SLC6A15: variants seen among roughly 807,000 people sequenced by gnomAD.
SLC6A15 encodes sodium-dependent neutral amino acid transporter B(0)AT2.
Under a neutral mutation model 68.5 loss-of-function variants are expected in SLC6A15, and 33 were observed. The ratio of observed to expected loss-of-function variants is 0.48; its 90% CI spans 0.37 to 0.64. The LOEUF is 0.64. Ranked by LOEUF, SLC6A15 falls within the 30% of genes least tolerant of loss-of-function variation. The probability of loss-of-function intolerance (pLI) is 0.00; values close to 1 mark genes in which losing one functional copy is unlikely to be tolerated. For synonymous variants in SLC6A15, 347 were observed against 301.0 expected (o/e 1.15, Z -1.58); for missense variants, 747 against 874.3 (o/e 0.85, Z 1.84).
At position 84,891,970 on chromosome 12, in the gene SLC6A15, C is replaced by CAA; in HGVS notation, c.150_151insTT (p.Val51LeufsTer30). 1.2e-6 allele frequency: 2 copies of CAA among 1,614,002 alleles called. No individual in the cohort carries two copies. The highest frequency in any genetic ancestry group is 1.7e-6 in the Non-Finnish European group (2 of 1,179,990). ...TCTTCGACTTCAGATCCTTCTTCAA[C>CAA]ATCTGTATCTTTCTCTTCCTGGCCA... On this transcript the variant is annotated frameshift_variant, in exon 2 of 12. Coordinates refer to ENST00000266682, the MANE Select transcript of SLC6A15 (RefSeq NM_182767.6). LOFTEE classifies it high-confidence loss of function.
At chr12:84,894,478 A>T (rs376505102) in intron 1 of SLC6A15, among the ~76,000 whole-genome samples, 98 of 152,220 alleles carry the variant, frequency 6.4e-4, no homozygotes, top group African/African-American at 2.2e-3. Context: ...TGCTTTTTCC[A>T]TACAGACAGA....
chr12:84,906,798 A>T (rs1326071964), intron 1 of SLC6A15, among the ~76,000 whole-genome samples: 1 of 152,162 alleles, frequency 6.6e-6, no homozygotes, highest in African/African-American at 2.4e-5. Context: ...TGAATTACAA[A>T]CTTAAGTGGA....
At chr12:84,894,236 T>C (rs1269358832) in intron 1 of SLC6A15, among the ~76,000 whole-genome samples, 8 of 152,122 alleles carry the variant, frequency 5.3e-5, no homozygotes, top group Non-Finnish European at 2.9e-5. Context: ...ATATAAAAAA[T>C]TGTGATTTGT....
chr12:84,878,237 A>G (rs1871648236), intron 5 of SLC6A15, among the ~76,000 whole-genome samples: 1 of 152,236 alleles, frequency 6.6e-6, no homozygotes, highest in African/African-American at 2.4e-5. Flanking sequence ...GTTGTAATGA[A>G]CATAATTTTT....
chr12:84,867,386 A>G (rs781390104), intron 9 of SLC6A15, 193 bp from the exon 10 acceptor site: 2 of 350,880 alleles, frequency 5.7e-6, no homozygotes, highest in Non-Finnish European at 1.0e-5. Flanking sequence ...CTCAACATTC[A>G]TACAAATTTA....
chr12:84,881,450 A>T, intron 5 of SLC6A15: 1 of 985,318 alleles, frequency 1.0e-6, no homozygotes, highest in African/African-American at 1.7e-5. Context: ...ACTGAGCTGA[A>T]ATTTCTCATA....
intron 4 of SLC6A15, 55 bp downstream of exon 4, chr12:84,885,380 C>G: frequency 7.0e-7 from 1 of 1,425,626 alleles, no homozygotes; most frequent in Non-Finnish European, 9.3e-7. Context: ...AAGCTTGTAC[C>G]TTTGCCACTC....
At position 84,891,949 on chromosome 12, in the gene SLC6A15, C is replaced by G. The variant is rs550500645; in HGVS notation, c.172G>C (p.Glu58Gln). 6.2e-7 allele frequency: 1 copy of G among 1,613,884 alleles called. No individual in the cohort carries two copies. The change falls in exon 2 of 12, where the codon GAA becomes CAA. Residue 58 changes from glutamate (E) to glutamine (Q), a missense_variant. Transcript: ENST00000266682. The part of the protein sequence containing the change: ...DTDVEEGSEV[E>Q]DERPAWNSKL... ...CTGTTCCAAGCTGGTCTTTCATCTT[C>G]GACTTCAGATCCTTCTTCAACATCT...
intron 6 of SLC6A15, among the ~76,000 whole-genome samples, chr12:84,875,409 C>T (rs1205884358): frequency 6.6e-6 from 1 of 151,776 alleles, no homozygotes; most frequent in South Asian, 2.1e-4. Context: ...AATACCAACT[C>T]AGAACCACAC....
At chr12:84,876,043 A>C (rs941464337) in intron 6 of SLC6A15, among the ~76,000 whole-genome samples, 7 of 151,854 alleles carry the variant, frequency 4.6e-5, no homozygotes, top group Non-Finnish European at 8.8e-5. Flanking sequence ...CATGGATTCT[A>C]GATGATCAGT....
At chr12:84,900,919 CATACATATATACA>C (rs1872835007) in intron 1 of SLC6A15, among the ~76,000 whole-genome samples, 1 of 127,428 alleles carries the variant, frequency 7.8e-6, no homozygotes, top group Non-Finnish European at 1.6e-5. Context: ...TATATATATA[CATACATATATACA>C]TGTATATATG....
rs191627202 is a variant in SLC6A15, at chr12:84,912,605, G to C, written c.-271C>G. The C allele has an allele frequency of 6.5e-6, 1 of 152,792 alleles. No individual in the cohort carries two copies. The highest frequency in any genetic ancestry group is 1.5e-5 in the Non-Finnish European group (1 of 68,576). The allele number at this position is 152,792 out of a possible 1,614,324, so 9.5% of individuals were successfully genotyped here. Reference sequence around the variant, plus strand: ...AGCAGTCGCGAAAGGGTAGGGTCCAGGTGGCTGTGACGGAGGCCGAAGAGG... The same window carrying C: ...AGCAGTCGCGAAAGGGTAGGGTCCACGTGGCTGTGACGGAGGCCGAAGAGG... On this transcript the variant is annotated 5_prime_UTR_variant, in exon 1 of 12. Coordinates refer to ENST00000266682, the MANE Select transcript of SLC6A15 (RefSeq NM_182767.6).
chr12:84,883,672 C>G, intron 5 of SLC6A15, 187 bp downstream of exon 5: 3 of 1,510,532 alleles, frequency 2.0e-6, no homozygotes, highest in Non-Finnish European at 2.7e-6. Context: ...CACTATAAAA[C>G]ACTGTTTTTA....
rs1241223268 is a variant in SLC6A15, at chr12:84,873,160, C to T, written c.1036G>A (p.Val346Ile). 1 of 1,613,980 alleles carries T rather than the reference C, an allele frequency of 6.2e-7. No individual in the cohort carries two copies. The highest frequency in any genetic ancestry group is 2.2e-5 in the East Asian group (1 of 44,850). ...GCAAACACCACCAATGTTGCCAGGA[C>T]AGAAGTGAAAAAATTGATGAAGGAC... ...LVSFINFFTS[V>I]LATLVVFAVL... is the part of the protein sequence containing the mutation. The change falls in exon 7 of 12, where the codon GTC (valine) becomes ATC (isoleucine). Residue 346 changes from valine (V) to isoleucine (I), a missense_variant. Physicochemically the swap from Val to Ile is conservative, Grantham distance 29 (BLOSUM62 3). Transcript: ENST00000266682.
chr12:84,869,842 G>A (rs1367283693), intron 9 of SLC6A15, among the ~76,000 whole-genome samples: 1 of 151,886 alleles, frequency 6.6e-6, no homozygotes, highest in Non-Finnish European at 1.5e-5. Flanking sequence ...TATTGTTTTT[G>A]GAGAAGAGTT....
intron 9 of SLC6A15, among the ~76,000 whole-genome samples, chr12:84,868,300 A>G (rs1292248622): frequency 6.6e-6 from 1 of 152,234 alleles, no homozygotes; most frequent in Non-Finnish European, 1.5e-5. Context: ...ATCACAGTAT[A>G]AAATAATATT....
intron 5 of SLC6A15, chr12:84,883,410 T>C: frequency 9.6e-7 from 1 of 1,038,040 alleles, no homozygotes; most frequent in Non-Finnish European, 1.2e-6. Flanking sequence ...TTACATTATT[T>C]CAAAATGTCT....
At chr12:84,883,632 T>G (rs1871932389) in intron 5 of SLC6A15, 1 of 1,430,444 alleles carries the variant, frequency 7.0e-7, no homozygotes, top group South Asian at 1.6e-5. Context: ...CTTGTTGAAA[T>G]AAGGAAAGAT....
intron 9 of SLC6A15, among the ~76,000 whole-genome samples, 169 bp downstream of exon 9, chr12:84,870,309 C>T (rs1486002560): frequency 1.3e-5 from 2 of 149,548 alleles, no homozygotes; most frequent in East Asian, 3.9e-4. Flanking sequence ...AAAAATTATA[C>T]AATTAAAATA....
Sources: allele counts gnomAD v4.1 joint callset (sites outside exome capture counted in the v4.1 genomes callset), GRCh38; gene constraint gnomAD v4.1.1; transcripts MANE v1.5; gene names NCBI Gene and HGNC (gene_info 2026-07-23, HGNC 2026-07-21).